FBN2: variants seen among roughly 807,000 people sequenced by gnomAD.
The protein encoded by FBN2 is fibrillin 2, also known as fibrillin-2.
A neutral mutation model predicts 355.6 loss-of-function variants in FBN2; 105 were observed. That is an observed-to-expected ratio of 0.30 (90% CI 0.25 to 0.35). The LOEUF (loss-of-function observed/expected upper bound fraction) is 0.35, where lower values mean the gene tolerates loss of function less well. Among genes scored for constraint, FBN2 ranks in the 10% least tolerant of loss-of-function variants. The pLI, the probability that FBN2 is intolerant of heterozygous loss-of-function variation, is 1.00. For missense variants in FBN2, 3,280 were observed against 3,758.7 expected, an observed-to-expected ratio of 0.87 and a Z score of 3.33; for synonymous variants, 1,350 against 1,301.2, an observed-to-expected ratio of 1.04 and a Z score of -0.81.
At chr5:128,446,755 A>G in intron 6 of FBN2, 149 bp from the exon 7 acceptor site, 2 of 660,452 alleles carry the variant, frequency 3.0e-6, no homozygotes, top group South Asian at 3.6e-5. Flanking sequence ...ACACCTTTGT[A>G]TGCATATGTT....
chr5:128,445,456 G>A (rs1057292686), intron 7 of FBN2, among the ~76,000 whole-genome samples: 1 of 152,056 alleles, frequency 6.6e-6, no homozygotes, highest in Non-Finnish European at 1.5e-5. Flanking sequence ...AAATAATATA[G>A]TTCATACTGC....
intron 3 of FBN2, 143 bp downstream of exon 3, chr5:128,530,452 G>T: frequency 1.5e-6 from 1 of 678,936 alleles, no homozygotes; most frequent in South Asian, 1.6e-5. Flanking sequence ...GTAAAATGGG[G>T]TATTAACAGT....
intron 26 of FBN2, among the ~76,000 whole-genome samples, chr5:128,338,378 A>G (rs547086485): frequency 2.0e-5 from 3 of 152,342 alleles, no homozygotes; most frequent in East Asian, 1.9e-4. Context: ...GTAGAAATAC[A>G]TAATATTTGC....
At chr5:128,534,805 T>C (rs1756803210) in intron 2 of FBN2, among the ~76,000 whole-genome samples, 1 of 152,244 alleles carries the variant, frequency 6.6e-6, no homozygotes, top group Non-Finnish European at 1.5e-5. Context: ...AAAATCTGAC[T>C]TTACAGATTT....
intron 7 of FBN2, among the ~76,000 whole-genome samples, chr5:128,430,776 G>A (rs866874873): frequency 3.2e-4 from 49 of 151,080 alleles, no homozygotes; most frequent in African/African-American, 1.0e-3. Flanking sequence ...CCTGGGAGGC[G>A]GAGGCTGCAG....
At chr5:128,368,654 G>A (rs961611142) in intron 16 of FBN2, among the ~76,000 whole-genome samples, 37 of 151,644 alleles carry the variant, frequency 2.4e-4, no homozygotes, top group Admixed American at 3.9e-4. Context: ...AATCATAACT[G>A]TATAAGAAAA....
chr5:128,534,183 T>C (rs1189078625), intron 2 of FBN2, among the ~76,000 whole-genome samples: 1 of 152,194 alleles, frequency 6.6e-6, no homozygotes, highest in Non-Finnish European at 1.5e-5. Flanking sequence ...ATTTTCTTTT[T>C]TGTAAATGGT....
At position 128,376,730 on chromosome 5, in the gene FBN2, C is replaced by T; in HGVS notation, c.1972+1G>A. 1 of 1,613,628 alleles carries T rather than the reference C, an allele frequency of 6.2e-7. No homozygotes were observed. Among genetic ancestry groups the T allele is most frequent in the Non-Finnish European group, 8.5e-7 (1 of 1,179,634 alleles). ...CTTTCCTATCTGAAAGCCACACATACCAGTACAGTAACGCCCATTTGGAGC... is the reference window on the plus strand; with the variant it reads ...CTTTCCTATCTGAAAGCCACACATATCAGTACAGTAACGCCCATTTGGAGC... On this transcript the variant is annotated splice_donor_variant, in intron 14 of 64. Transcript: ENST00000262464. LOFTEE classifies it high-confidence loss of function.
At chr5:128,337,916 AAAC>A in intron 27 of FBN2, 78 bp downstream of exon 27, 1 of 1,503,120 alleles carries the variant, frequency 6.7e-7, no homozygotes, top group Non-Finnish European at 9.2e-7. Flanking sequence ...TGTGCTCCTC[AAAC>A]AACAGGTTTG....
chr5:128,356,238 A>G (rs1751500116), intron 20 of FBN2, among the ~76,000 whole-genome samples: 1 of 152,086 alleles, frequency 6.6e-6, no homozygotes. Context: ...CTCAGATTTC[A>G]CCAGCTGTAC....
intron 32 of FBN2, among the ~76,000 whole-genome samples, chr5:128,331,995 A>C (rs763196689): frequency 1.3e-5 from 2 of 152,236 alleles, no homozygotes; most frequent in Non-Finnish European, 2.9e-5. Flanking sequence ...AGAGGCTGGC[A>C]CTTCACTAAG....
chr5:128,369,288 C>T lies in FBN2; in HGVS notation c.2142G>A (p.Val714=). Residue 714 remains valine (V), a synonymous_variant, in exon 16 of 65, where the codon GTG becomes GTA. Transcript: ENST00000262464. ...CTGCACCGGGGAAAGGACGCACACA[C>T]ACTCCTTTCTTGATTCCTCCATAGC... ...STCYGGIKKG[V]CVRPFPGAVT... 1 of 1,614,038 alleles carries T rather than the reference C, an allele frequency of 6.2e-7. No individual in the cohort carries two copies. The highest frequency in any genetic ancestry group is 1.3e-5 in the African/African-American group (1 of 75,052).
At chr5:128,404,434 T>C (rs1390281169) in intron 8 of FBN2, among the ~76,000 whole-genome samples, 2 of 152,238 alleles carry the variant, frequency 1.3e-5, no homozygotes, top group Non-Finnish European at 2.9e-5. Flanking sequence ...TGAATGGGAC[T>C]CCTGGTTAGT....
At chr5:128,523,595 A>G (rs1360520496) in intron 4 of FBN2, among the ~76,000 whole-genome samples, 1 of 151,966 alleles carries the variant, frequency 6.6e-6, no homozygotes, top group Non-Finnish European at 1.5e-5. Context: ...AGATCTTTGC[A>G]CTTATAAGTC....
chr5:128,390,936 A>T (rs1440831290), intron 11 of FBN2, among the ~76,000 whole-genome samples: 2 of 152,214 alleles, frequency 1.3e-5, no homozygotes, highest in African/African-American at 4.8e-5. Context: ...AGGCATTTTT[A>T]TGAGTTTGAT....
chr5:128,486,143 T>C (rs1755332068), intron 5 of FBN2, among the ~76,000 whole-genome samples: 1 of 150,378 alleles, frequency 6.6e-6, no homozygotes, highest in African/African-American at 2.5e-5. Context: ...TACCCTGCAA[T>C]TTTTACTCCT....
At chr5:128,470,918 T>C (rs1294520098) in intron 5 of FBN2, among the ~76,000 whole-genome samples, 2 of 152,214 alleles carry the variant, frequency 1.3e-5, no homozygotes, top group Non-Finnish European at 2.9e-5. Flanking sequence ...GGAATGACAA[T>C]GTTAGAGACC....
At chr5:128,464,981 G>T in intron 5 of FBN2, 60 bp from the exon 6 acceptor site, 1 of 1,493,146 alleles carries the variant, frequency 6.7e-7, no homozygotes, top group Non-Finnish European at 9.3e-7. Context: ...TCTTATACCA[G>T]TGCCTCCAAA....
intron 36 of FBN2, 72 bp downstream of exon 36, chr5:128,318,077 G>A (rs1750260151): frequency 1.2e-5 from 18 of 1,490,706 alleles, no homozygotes; most frequent in Admixed American, 5.0e-5. Context: ...CACTCATCAC[G>A]GTTCATTATC....
Sources: gnomAD v4.1 joint callset for allele counts (sites outside exome capture counted in the v4.1 genomes callset) on GRCh38, gnomAD v4.1.1 for gene constraint, MANE v1.5 for transcripts, NCBI Gene and HGNC (gene_info 2026-07-23, HGNC 2026-07-21) for gene names.